The following COBL variants were observed in gnomAD, a reference collection of about 807,000 sequenced individuals.
COBL encodes the protein cordon-bleu WH2 repeat protein, also known as protein cordon-bleu.
Under a neutral mutation model 98.8 loss-of-function variants are expected in COBL, and 51 were observed. The ratio of observed to expected loss-of-function variants is 0.52; its 90% CI spans 0.41 to 0.65. The LOEUF (loss-of-function observed/expected upper bound fraction) is 0.65, where lower values mean the gene tolerates loss of function less well. Among genes scored for constraint, COBL ranks in the 30% least tolerant of loss-of-function variants. The pLI, the probability that COBL is intolerant of heterozygous loss-of-function variation, is 0.00. For synonymous variants in COBL, 634 were observed against 651.7 expected, an observed-to-expected ratio of 0.97 and a Z score of 0.41; for missense variants, 1,617 against 1,617.5, an observed-to-expected ratio of 1.00 and a Z score of 0.01.
At position 51,172,648 on chromosome 7, in the gene COBL, C is replaced by T. The variant is rs927886860; in HGVS notation, c.783+11454G>A. ...TGGCCACAAGGCAGCAAACCCTTCA[C>T]TTAATAGGTGTAATCTTTACCACTT... On this transcript the variant is annotated intron_variant, in intron 5 of 12. Transcript: ENST00000265136. 3 of 518,000 alleles carry T rather than the reference C, an allele frequency of 5.8e-6. No individual in the cohort carries two copies. The African/African-American group carries it at 6.0e-5, about 10-fold the overall frequency. 32.1% of individuals were successfully genotyped at this position (518,000 alleles called of 1,614,324 possible). A position where few individuals can be genotyped will look rare whatever the true frequency, so the allele number is the denominator to read the frequency against.
intron 7 of COBL, among the ~76,000 whole-genome samples, chr7:51,063,602 G>A (rs950027102): frequency 3.4e-4 from 51 of 152,214 alleles, no homozygotes; most frequent in Admixed American, 1.4e-3. Context: ...GGCAGGCTGA[G>A]GGCCAGGTGT....
chr7:51,031,633 C>T (rs1201143456), intron 8 of COBL: 1 of 152,410 alleles, frequency 6.6e-6, no homozygotes, highest in African/African-American at 2.4e-5. Flanking sequence ...TCCACCCTAG[C>T]AGTAGCCCAC....
chr7:51,265,792 A>G lies in COBL; in HGVS notation c.42-45848T>C, dbSNP rs112418576. Among the ~76,000 whole-genome samples the G allele has an allele frequency of 6.0e-3, 916 of 152,248 alleles. 7 individuals carry two copies. The highest frequency in any genetic ancestry group is 9.6e-3 in the Non-Finnish European group (655 of 67,996). Reference sequence around the variant, plus strand: ...TATGACAGGCTCAAAGTCCATGTGGATCAACTGTCCACGTGGACTGGCAGA... The same window carrying G: ...TATGACAGGCTCAAAGTCCATGTGGGTCAACTGTCCACGTGGACTGGCAGA... On this transcript the variant is annotated intron_variant, in intron 1 of 12. Coordinates refer to ENST00000265136, the MANE Select transcript of COBL (RefSeq NM_015198.5).
intron 8 of COBL, among the ~76,000 whole-genome samples, chr7:51,041,775 C>T (rs1447598683): frequency 6.6e-6 from 1 of 152,160 alleles, no homozygotes; most frequent in Non-Finnish European, 1.5e-5. Flanking sequence ...TGAGCCGCTG[C>T]ACCCAGCCCA....
intron 7 of COBL, chr7:51,065,138 A>G (rs1583661014): frequency 2.9e-6 from 2 of 699,152 alleles, no homozygotes; most frequent in Non-Finnish European, 5.2e-6. Context: ...AACAAGTGTT[A>G]GCTGATTAGG....
At chr7:51,273,301 C>G (rs1798945105) in intron 1 of COBL, among the ~76,000 whole-genome samples, 1 of 141,672 alleles carries the variant, frequency 7.1e-6, no homozygotes, top group African/African-American at 2.7e-5. Flanking sequence ...GCACTCCAGC[C>G]TGGGCAACAG....
intron 6 of COBL, among the ~76,000 whole-genome samples, chr7:51,086,267 G>A (rs1398137702): frequency 2.0e-5 from 3 of 148,994 alleles, no homozygotes; most frequent in Admixed American, 6.8e-5. Flanking sequence ...TGAGGCAGGA[G>A]AATCGCTTGA....
At chr7:51,274,184 C>T (rs1209527283) in intron 1 of COBL, among the ~76,000 whole-genome samples, 6 of 152,200 alleles carry the variant, frequency 3.9e-5, no homozygotes, top group Admixed American at 1.3e-4. Flanking sequence ...ACTCCCCACA[C>T]GGTAGACACA....
rs996441273 is a variant in COBL, at chr7:51,058,141, CG to C, written c.1097-14450del. ...TTTTTTTAGAAGCTTTTTGGATAAA[CG>C]TAACAAAATTTCTTAAATGTTTGAA... On this transcript the variant is annotated intron_variant, in intron 7 of 12. Transcript: ENST00000265136. 3.3e-5 allele frequency among the ~76,000 whole-genome samples: 5 copies of C among 151,494 alleles called. No homozygotes were observed. The South Asian group carries it at 8.4e-4, about 25-fold the overall frequency.
intron 5 of COBL, among the ~76,000 whole-genome samples, chr7:51,159,083 T>C (rs974390355): frequency 2.0e-5 from 3 of 152,052 alleles, no homozygotes; most frequent in Non-Finnish European, 4.4e-5. Context: ...GGCCAGGAGC[T>C]TGGAGGAGGG....
At chr7:51,077,124 A>T (rs1793161414) in intron 7 of COBL, among the ~76,000 whole-genome samples, 1 of 152,242 alleles carries the variant, frequency 6.6e-6, no homozygotes, top group African/African-American at 2.4e-5. Flanking sequence ...GTTATGATGA[A>T]AAATCCGTAT....
chr7:51,184,174 G>A lies in COBL; in HGVS notation c.711C>T (p.Gly237=). 5.8e-6 allele frequency: 9 copies of A among 1,555,806 alleles called. No individual in the cohort carries two copies. The highest frequency in any genetic ancestry group is 7.0e-6 in the Non-Finnish European group (8 of 1,150,934). The change falls in exon 5 of 13, where the codon GGC becomes GGT. Residue 237 remains glycine, a synonymous_variant. Coordinates refer to ENST00000265136, the MANE Select transcript of COBL (RefSeq NM_015198.5). ...RRETFRKSSL[G]NDETDKEKKK... is the part of the protein sequence containing the mutation. ...TCTTCTCTTTATCTGTCTCATCATT[G>A]CCAAGTGATGATTTCCTAAAGGTTT... is the stretch of plus-strand genomic sequence containing the variant.
At chr7:51,085,401 TG>T (rs1438982399) in intron 6 of COBL, 97 bp from the exon 7 acceptor site, 1 of 1,331,430 alleles carries the variant, frequency 7.5e-7, no homozygotes. Flanking sequence ...GGCAGGGACC[TG>T]CACCGGAAGG....
At chr7:51,246,010 A>T (rs1796244963) in intron 1 of COBL, among the ~76,000 whole-genome samples, 1 of 152,228 alleles carries the variant, frequency 6.6e-6, no homozygotes, top group Non-Finnish European at 1.5e-5. Context: ...AATGCAAAGA[A>T]GATATCTATG....
At chr7:51,041,137 T>A (rs573300882) in intron 8 of COBL, among the ~76,000 whole-genome samples, 1 of 152,310 alleles carries the variant, frequency 6.6e-6, no homozygotes, top group African/African-American at 2.4e-5. Context: ...GCAAAATGCA[T>A]CTTGTGTGGG....
intron 2 of COBL, among the ~76,000 whole-genome samples, chr7:51,202,439 T>C (rs1175065221): frequency 1.3e-5 from 2 of 152,184 alleles, no homozygotes; most frequent in Admixed American, 6.5e-5. Context: ...ATCCAATTTA[T>C]AATTAAATTT....
At chr7:51,061,287 C>T (rs1345467290) in intron 7 of COBL, among the ~76,000 whole-genome samples, 1 of 151,932 alleles carries the variant, frequency 6.6e-6, no homozygotes, top group Non-Finnish European at 1.5e-5. Flanking sequence ...TGTTTTCTTT[C>T]CCCTTATTCC....
chr7:51,159,706 C>T (rs1385250259), intron 5 of COBL, among the ~76,000 whole-genome samples: 1 of 151,780 alleles, frequency 6.6e-6, no homozygotes, highest in Non-Finnish European at 1.5e-5. Flanking sequence ...TATTTTTTTC[C>T]CTCCGAGAAC....
intron 6 of COBL, among the ~76,000 whole-genome samples, chr7:51,135,504 A>C (rs529452981): frequency 6.6e-6 from 1 of 152,234 alleles, no homozygotes; most frequent in African/African-American, 2.4e-5. Context: ...CTGATAAGGA[A>C]ATTACATGAC....
Sources: allele counts gnomAD v4.1 joint callset (sites outside exome capture counted in the v4.1 genomes callset), GRCh38; gene constraint gnomAD v4.1.1; transcripts MANE v1.5; gene names NCBI Gene and HGNC (gene_info 2026-07-23, HGNC 2026-07-21).